The following ABTB3 variants were observed in gnomAD, a reference collection of about 807,000 sequenced individuals.
ABTB3 encodes the protein ankyrin repeat- and BTB/POZ domain-containing protein 3.
the ABTB3 span, among the ~76,000 whole-genome samples, chr12:107,464,011 G>GT: frequency 6.6e-6 from 1 of 152,180 alleles, no homozygotes; most frequent in Non-Finnish European, 1.5e-5. Context: ...CCAAGGCTCA[G>GT]CCTGGTCAGC....
the ABTB3 span, among the ~76,000 whole-genome samples, chr12:107,463,391 G>A: frequency 6.6e-6 from 1 of 152,224 alleles, no homozygotes; most frequent in Admixed American, 6.5e-5. Context: ...GATGATGACA[G>A]TAGTGACCTG....
the ABTB3 span, among the ~76,000 whole-genome samples, chr12:107,403,776 G>A: frequency 6.6e-6 from 1 of 152,124 alleles, no homozygotes; most frequent in Non-Finnish European, 1.5e-5. Context: ...AGTTTGGAGG[G>A]TCCACCTCTC....
chr12:107,639,401 G>A, the ABTB3 span, among the ~76,000 whole-genome samples: 4 of 152,144 alleles, frequency 2.6e-5, no homozygotes, highest in African/African-American at 7.2e-5. Context: ...GCAGTGAGGT[G>A]GGTCATCAGA....
the ABTB3 span, among the ~76,000 whole-genome samples, chr12:107,418,305 T>C: frequency 6.6e-6 from 1 of 152,194 alleles, no homozygotes; most frequent in African/African-American, 2.4e-5. Context: ...TTCTTCAGCT[T>C]TGGGACTCGG....
the ABTB3 span, among the ~76,000 whole-genome samples, chr12:107,459,969 C>T: frequency 3.7e-4 from 57 of 152,114 alleles, 1 homozygote; most frequent in Admixed American, 5.2e-4. Flanking sequence ...GTTGGGGGGC[C>T]GTAAGAAAAG....
At chr12:107,634,224 A>T in the ABTB3 span, among the ~76,000 whole-genome samples, 1 of 152,162 alleles carries the variant, frequency 6.6e-6, no homozygotes, top group Non-Finnish European at 1.5e-5. Context: ...AACAGCTTGA[A>T]CCACTCACAT....
At chr12:107,618,678 T>C in the ABTB3 span, among the ~76,000 whole-genome samples, 1 of 152,216 alleles carries the variant, frequency 6.6e-6, no homozygotes, top group Admixed American at 6.5e-5. Context: ...TCAAATCACC[T>C]GGGGAGCTTG....
chr12:107,448,820 C>G, the ABTB3 span, among the ~76,000 whole-genome samples: 6 of 152,026 alleles, frequency 3.9e-5, no homozygotes, highest in African/African-American at 1.4e-4. Flanking sequence ...GTCCGCCCGC[C>G]TCGTCCTCCC....
At chr12:107,521,264 TG>T in the ABTB3 span, among the ~76,000 whole-genome samples, 1 of 1,332 alleles carries the variant, frequency 7.5e-4, no homozygotes, top group African/African-American at 3.2e-3. Flanking sequence ...TCATATAAGT[TG>T]TGTGTGTGTG....
the ABTB3 span, among the ~76,000 whole-genome samples, chr12:107,578,339 A>G: frequency 6.7e-6 from 1 of 149,442 alleles, no homozygotes; most frequent in Non-Finnish European, 1.5e-5. Context: ...TGTCTTGGTA[A>G]AGGTGTTATT....
chr12:107,619,403 G>A, the ABTB3 span, among the ~76,000 whole-genome samples: 1 of 152,212 alleles, frequency 6.6e-6, no homozygotes, highest in Non-Finnish European at 1.5e-5. Context: ...GCACAGAGGA[G>A]CAGCAGGAAT....
the ABTB3 span, among the ~76,000 whole-genome samples, chr12:107,643,240 T>G: frequency 4.6e-5 from 7 of 151,628 alleles, no homozygotes; most frequent in East Asian, 1.4e-3. Context: ...ACCCTGTCTA[T>G]TAAAAATACA....
At chr12:107,464,729 C>T in the ABTB3 span, among the ~76,000 whole-genome samples, 2 of 152,158 alleles carry the variant, frequency 1.3e-5, no homozygotes, top group Non-Finnish European at 2.9e-5. Flanking sequence ...TCTAAGTAAG[C>T]TTATGTATTT....
chr12:107,392,668 A>G, the ABTB3 span, among the ~76,000 whole-genome samples: 1 of 151,802 alleles, frequency 6.6e-6, no homozygotes, highest in Admixed American at 6.6e-5. Flanking sequence ...CTTCCATAGG[A>G]CTCCATGTTT....
the ABTB3 span, among the ~76,000 whole-genome samples, chr12:107,462,554 TGTA>T: frequency 6.6e-6 from 1 of 151,968 alleles, no homozygotes; most frequent in Admixed American, 6.6e-5. Flanking sequence ...GTGATGGTGA[TGTA>T]GTGATAGTGA....
chr12:107,469,948 CTTTCTT>C, the ABTB3 span, among the ~76,000 whole-genome samples: 22 of 42,858 alleles, frequency 5.1e-4, 2 homozygotes, highest in East Asian at 0.012. Flanking sequence ...CTTTCTCTTT[CTTTCTT>C]TCTTTCTTTC....
At chr12:107,581,938 A>G in the ABTB3 span, among the ~76,000 whole-genome samples, 1 of 152,218 alleles carries the variant, frequency 6.6e-6, no homozygotes, top group Non-Finnish European at 1.5e-5. Context: ...GTGCACGCAC[A>G]CGAACACACC....
chr12:107,430,655 T>C, the ABTB3 span, among the ~76,000 whole-genome samples: 1 of 152,196 alleles, frequency 6.6e-6, no homozygotes, highest in South Asian at 2.1e-4. Context: ...TAAAAAATAA[T>C]GGCGATACGT....
At chr12:107,334,837 G>T in the ABTB3 span, among the ~76,000 whole-genome samples, 2 of 152,168 alleles carry the variant, frequency 1.3e-5, no homozygotes, top group Non-Finnish European at 2.9e-5. Context: ...GGAGAACTGG[G>T]AATGTCCTAG....
Sources: allele counts gnomAD v4.1 joint callset (sites outside exome capture counted in the v4.1 genomes callset), GRCh38; gene constraint gnomAD v4.1.1; transcripts MANE v1.5; gene names NCBI Gene and HGNC (gene_info 2026-07-23, HGNC 2026-07-21).